NLGN1: variants seen among roughly 807,000 people sequenced by gnomAD.
NLGN1 encodes the protein neuroligin 1.
Under a neutral mutation model 65.5 loss-of-function variants are expected in NLGN1, and 12 were observed. The observed-to-expected ratio is 0.18, with a 90% CI of 0.12 to 0.30. The LOEUF (loss-of-function observed/expected upper bound fraction) is 0.30. Among genes scored for constraint, NLGN1 ranks in the 10% least tolerant of loss-of-function variants. The pLI, the probability that NLGN1 is intolerant of heterozygous loss-of-function variation, is 1.00. For missense variants in NLGN1, 750 were observed against 1,007.1 expected (o/e 0.74, Z 3.46); for synonymous variants, 350 against 359.5 (o/e 0.97, Z 0.30).
chr3:173,851,349 G>C (rs1170546556), intron 4 of NLGN1, among the ~76,000 whole-genome samples: 3 of 152,094 alleles, frequency 2.0e-5, no homozygotes, highest in African/African-American at 7.2e-5. Flanking sequence ...TATTGTTTAA[G>C]TCTTTGATGT....
intron 4 of NLGN1, among the ~76,000 whole-genome samples, chr3:174,135,817 T>A (rs186019227): frequency 6.6e-6 from 1 of 152,272 alleles, no homozygotes; most frequent in East Asian, 1.9e-4. Flanking sequence ...AATTCCTTAT[T>A]ATTTTAAGCT....
At chr3:173,584,453 C>T (rs2149374092) in intron 2 of NLGN1, 1 of 92,772 alleles carries the variant, frequency 1.1e-5, no homozygotes, top group African/African-American at 4.2e-5. Flanking sequence ...CACCCAGAAT[C>T]CAAAAAAGAT....
chr3:174,052,819 A>G (rs1465440363), intron 4 of NLGN1, among the ~76,000 whole-genome samples: 1 of 152,062 alleles, frequency 6.6e-6, no homozygotes, highest in Non-Finnish European at 1.5e-5. Flanking sequence ...CACTATCAGT[A>G]AATTTCCAAG....
rs572868851 is a variant in NLGN1, at chr3:173,952,405, A to AT, written c.646+144581dup. ...TGAGACAAGGAATAGTCTTCGTGAC[A>AT]TTTTTTTTATTCCTGAATCTTGTCA... On this transcript the variant is annotated intron_variant, in intron 4 of 6. Coordinates refer to ENST00000457714, the Ensembl canonical transcript of NLGN1. Among the ~76,000 whole-genome samples the AT allele has an allele frequency of 7.2e-5, 11 of 152,060 alleles. No homozygotes were observed. In the South Asian group the frequency reaches 1.9e-3, roughly 26 times the overall value.
chr3:173,831,451 C>T (rs1453186104), intron 4 of NLGN1, among the ~76,000 whole-genome samples: 1 of 152,122 alleles, frequency 6.6e-6, no homozygotes, highest in Non-Finnish European at 1.5e-5. Flanking sequence ...TACACAGAAC[C>T]ACTGTGAACA....
intron 2 of NLGN1, among the ~76,000 whole-genome samples, chr3:173,540,107 T>C (rs1303520542): frequency 1.3e-5 from 2 of 151,926 alleles, no homozygotes; most frequent in Non-Finnish European, 2.9e-5. Flanking sequence ...CCCAGAGCTG[T>C]TTCTCAGAAG....
intron 1 of NLGN1, among the ~76,000 whole-genome samples, chr3:173,404,382 A>G (rs1381145007): frequency 6.6e-6 from 1 of 152,100 alleles, no homozygotes; most frequent in East Asian, 1.9e-4. Context: ...TCATCATTCC[A>G]TTGACAATGC....
chr3:174,026,610 C>T (rs1308646691), intron 4 of NLGN1, among the ~76,000 whole-genome samples: 9 of 152,122 alleles, frequency 5.9e-5, no homozygotes, highest in African/African-American at 2.2e-4. Flanking sequence ...GAACATATAT[C>T]AAGCTTAATA....
intron 3 of NLGN1, among the ~76,000 whole-genome samples, chr3:173,740,059 C>A (rs993079178): frequency 4.6e-5 from 7 of 152,056 alleles, no homozygotes; most frequent in African/African-American, 1.7e-4. Context: ...GGAGAGGAAA[C>A]AAACCTTAGT....
At chr3:174,131,353 T>C (rs1312345434) in intron 4 of NLGN1, among the ~76,000 whole-genome samples, 1 of 152,168 alleles carries the variant, frequency 6.6e-6, no homozygotes, top group Non-Finnish European at 1.5e-5. Context: ...TCACACATAG[T>C]CCTTAGTTCC....
intron 2 of NLGN1, among the ~76,000 whole-genome samples, chr3:173,524,525 C>G (rs1285292058): frequency 6.6e-6 from 1 of 152,140 alleles, no homozygotes; most frequent in East Asian, 1.9e-4. Flanking sequence ...GATTACTTGG[C>G]TTCTCTTTTC....
chr3:174,000,308 C>G (rs1454597424), intron 4 of NLGN1, among the ~76,000 whole-genome samples: 1 of 152,036 alleles, frequency 6.6e-6, no homozygotes, highest in Non-Finnish European at 1.5e-5. Flanking sequence ...TTTTCCGTAA[C>G]ATTTAACTTA....
intron 4 of NLGN1, among the ~76,000 whole-genome samples, chr3:174,176,863 C>T (rs1729538896): frequency 6.6e-6 from 1 of 151,896 alleles, no homozygotes; most frequent in South Asian, 2.1e-4. Context: ...TATGACTTAC[C>T]TCAACTGAAA....
intron 2 of NLGN1, among the ~76,000 whole-genome samples, chr3:173,448,404 G>A (rs1720801535): frequency 6.6e-6 from 1 of 152,184 alleles, no homozygotes; most frequent in Non-Finnish European, 1.5e-5. Flanking sequence ...GCATCCGAGG[G>A]ATGAAGCCCA....
At chr3:174,128,148 T>G (rs1719362094) in intron 4 of NLGN1, among the ~76,000 whole-genome samples, 1 of 152,152 alleles carries the variant, frequency 6.6e-6, no homozygotes, top group African/African-American at 2.4e-5. Flanking sequence ...TATGAAATTT[T>G]TATTGGAAAC....
intron 4 of NLGN1, among the ~76,000 whole-genome samples, chr3:174,132,768 T>C (rs776910930): frequency 3.9e-5 from 6 of 152,204 alleles, no homozygotes; most frequent in Non-Finnish European, 8.8e-5. Context: ...TGATTGAGTA[T>C]GTCCCAGATA....
intron 3 of NLGN1, among the ~76,000 whole-genome samples, chr3:173,646,037 C>T (rs1375909169): frequency 6.6e-6 from 1 of 152,156 alleles, no homozygotes; most frequent in African/African-American, 2.4e-5. Context: ...CTCACTCTAG[C>T]CGCTTTTGGC....
At chr3:173,698,099 A>T (rs186011451) in intron 3 of NLGN1, among the ~76,000 whole-genome samples, 1 of 151,760 alleles carries the variant, frequency 6.6e-6, no homozygotes, top group Admixed American at 6.6e-5. Flanking sequence ...ACTTTTTCCC[A>T]TGTTCTAGTT....
intron 4 of NLGN1, among the ~76,000 whole-genome samples, chr3:173,908,647 C>T (rs1024484924): frequency 1.3e-5 from 2 of 152,076 alleles, no homozygotes; most frequent in Admixed American, 6.5e-5. Context: ...GTACAGCCTA[C>T]GTGTAGCAAC....
Sources: gnomAD v4.1 joint callset for allele counts (sites outside exome capture counted in the v4.1 genomes callset) on GRCh38, gnomAD v4.1.1 for gene constraint, MANE v1.5 for transcripts, NCBI Gene and HGNC (gene_info 2026-07-23, HGNC 2026-07-21) for gene names.